Variants in IL1RAPL2 observed in about 807,000 individuals in gnomAD.
IL1RAPL2 encodes interleukin 1 receptor accessory protein like 2, also known as X-linked interleukin-1 receptor accessory protein-like 2.
A neutral mutation model predicts 44.1 loss-of-function variants in IL1RAPL2; 3 were observed. That is an observed-to-expected ratio of 0.07 (90% confidence interval 0.03 to 0.18). The LOEUF (loss-of-function observed/expected upper bound fraction) is 0.18, where lower values mean the gene tolerates loss of function less well. IL1RAPL2 is among the 10% of genes least tolerant of loss of function. The pLI, the probability that IL1RAPL2 is intolerant of heterozygous loss-of-function variation, is 1.00. For missense variants in IL1RAPL2, 391 were observed against 496.4 expected (o/e 0.79, Z 2.02); for synonymous variants, 181 against 178.8 (o/e 1.01, Z -0.10).
chrX:105,159,533 T>G (rs760130132), intron 2 of IL1RAPL2, among the ~76,000 whole-genome samples: 3 of 112,559 alleles, frequency 2.7e-5, no homozygotes, highest in Admixed American at 9.4e-5. Flanking sequence ...GACACTCTTT[T>G]TGTATAGAAA....
At position 105,565,184 on chromosome X, in the gene IL1RAPL2, T is replaced by C. The variant is rs760252269; in HGVS notation, c.772+80797T>C. Among the ~76,000 whole-genome samples the C allele has an allele frequency of 3.9e-4, 44 of 112,087 alleles. 1 individual carries two copies. The highest frequency in any genetic ancestry group is 1.7e-3 in the Admixed American group (18 of 10,554). On this transcript the variant is annotated intron_variant, in intron 6 of 10. Coordinates refer to ENST00000372582, the MANE Select transcript of IL1RAPL2 (RefSeq NM_017416.2). ...CACTAGGTGTTGGGAAAATTGGTGT[T>C]TTAAAAGGAAAATGTAGTCTTTTTT... is the stretch of plus-strand genomic sequence containing the variant.
chrX:105,636,806 C>A (rs1286483752), intron 6 of IL1RAPL2, among the ~76,000 whole-genome samples: 1 of 111,410 alleles, frequency 9.0e-6, no homozygotes, highest in Admixed American at 9.5e-5. Context: ...TCAGGGAAGG[C>A]TTCCCAAAGG....
At chrX:104,878,536 A>C (rs1034945824) in intron 2 of IL1RAPL2, among the ~76,000 whole-genome samples, 29 of 112,161 alleles carry the variant, frequency 2.6e-4, no homozygotes, top group African/African-American at 7.8e-4. Flanking sequence ...CCACAAAGGT[A>C]GATATCAGAA....
chrX:105,532,492 AT>A (rs59548118), intron 6 of IL1RAPL2, among the ~76,000 whole-genome samples: 158 of 107,711 alleles, frequency 1.5e-3, no homozygotes, highest in East Asian at 4.9e-3. Flanking sequence ...ATTTACTTTG[AT>A]TTTTTTTTTC....
Position 105,285,379 on chromosome X carries a change from A to G in IL1RAPL2, c.697+17838A>G, listed in dbSNP as rs183631892. 6.2e-5 allele frequency among the ~76,000 whole-genome samples: 7 copies of G among 112,170 alleles called. No homozygotes were observed. The East Asian group carries it at 2.0e-3, about 31-fold the overall frequency. On this transcript the variant is annotated intron_variant, in intron 5 of 10. Coordinates refer to ENST00000372582, the MANE Select transcript of IL1RAPL2 (RefSeq NM_017416.2). The stretch of plus-strand genomic sequence containing the variant: ...AGAAAGCATAAGTTTATCCTGTCCT[A>G]TTAACCAAATAATCTCTAATGATTG...
At chrX:104,797,841 T>C (rs1932860302) in intron 2 of IL1RAPL2, among the ~76,000 whole-genome samples, 1 of 112,353 alleles carries the variant, frequency 8.9e-6, no homozygotes, top group Non-Finnish European at 1.9e-5. Flanking sequence ...GTTACAGTGA[T>C]TCAACAACAT....
At chrX:104,643,856 C>G (rs1383344129) in intron 1 of IL1RAPL2, among the ~76,000 whole-genome samples, 1 of 111,403 alleles carries the variant, frequency 9.0e-6, no homozygotes, top group African/African-American at 3.3e-5. Context: ...CAATTGATTC[C>G]TTGCTGTAGT....
intron 5 of IL1RAPL2, among the ~76,000 whole-genome samples, chrX:105,447,446 A>C (rs1430287701): frequency 2.7e-5 from 2 of 73,243 alleles, no homozygotes; most frequent in Non-Finnish European, 4.5e-5. Context: ...TAAGTATATA[A>C]ATATAAATAA....
chrX:105,650,458 T>A (rs752785212), intron 6 of IL1RAPL2, among the ~76,000 whole-genome samples: 8 of 111,974 alleles, frequency 7.1e-5, no homozygotes, highest in African/African-American at 2.6e-4. Flanking sequence ...GGACTCATAT[T>A]CTTCAAATTT....
intron 2 of IL1RAPL2, among the ~76,000 whole-genome samples, chrX:105,158,625 A>G (rs1039472850): frequency 6.2e-5 from 7 of 112,232 alleles, no homozygotes; most frequent in Admixed American, 9.4e-5. Flanking sequence ...TGCCATTGCT[A>G]CCTTGCTAGT....
chrX:105,756,666 G>A (rs1313198858), intron 10 of IL1RAPL2, among the ~76,000 whole-genome samples: 1 of 111,642 alleles, frequency 9.0e-6, no homozygotes, highest in Non-Finnish European at 1.9e-5. Flanking sequence ...AATTCCCCAA[G>A]CTTCTTATCA....
chrX:104,840,915 C>T (rs1263483141), intron 2 of IL1RAPL2, among the ~76,000 whole-genome samples: 1 of 109,911 alleles, frequency 9.1e-6, no homozygotes, highest in East Asian at 2.9e-4. Context: ...GTCTTGAACT[C>T]CTGACATCTG....
chrX:105,432,548 T>G (rs1263382431), intron 5 of IL1RAPL2, among the ~76,000 whole-genome samples: 1 of 111,404 alleles, frequency 9.0e-6, no homozygotes, highest in Non-Finnish European at 1.9e-5. Flanking sequence ...AGAACTATCA[T>G]TAAGCCCCCC....
chrX:104,729,630 G>GT (rs372920756), intron 2 of IL1RAPL2, among the ~76,000 whole-genome samples: 2,565 of 103,594 alleles, frequency 0.025, 76 homozygotes, highest in African/African-American at 0.078. Context: ...GTACCCAATA[G>GT]TTTTTTTTTT....
At chrX:104,675,593 G>A (rs899035215) in intron 2 of IL1RAPL2, among the ~76,000 whole-genome samples, 2 of 111,229 alleles carry the variant, frequency 1.8e-5, no homozygotes, top group African/African-American at 3.3e-5. Flanking sequence ...GGGGTGGAGA[G>A]TTCTGTAGAT....
chrX:105,192,663 C>T (rs1044940774), intron 2 of IL1RAPL2, among the ~76,000 whole-genome samples: 10 of 111,228 alleles, frequency 9.0e-5, no homozygotes, highest in Middle Eastern at 4.7e-3. Context: ...TATTTGGTGG[C>T]ACGTAGGCAT....
intron 2 of IL1RAPL2, among the ~76,000 whole-genome samples, chrX:104,767,001 G>C (rs1344479113): frequency 2.7e-5 from 3 of 111,878 alleles, no homozygotes; most frequent in Non-Finnish European, 5.6e-5. Context: ...GCAGATATTT[G>C]GATGGAGAAT....
chrX:105,719,646 A>G (rs1421921033), intron 7 of IL1RAPL2, among the ~76,000 whole-genome samples: 1 of 110,874 alleles, frequency 9.0e-6, no homozygotes, highest in Non-Finnish European at 1.9e-5. Flanking sequence ...CCATAGTGAT[A>G]GTTTCACATC....
intron 2 of IL1RAPL2, among the ~76,000 whole-genome samples, chrX:105,143,788 A>G (rs2033149848): frequency 1.8e-5 from 2 of 110,446 alleles, no homozygotes; most frequent in South Asian, 7.8e-4. Flanking sequence ...GAATTGAACA[A>G]TGAGAACATA....
Sources: allele counts gnomAD v4.1 joint callset (sites outside exome capture counted in the v4.1 genomes callset), GRCh38; gene constraint gnomAD v4.1.1; transcripts MANE v1.5; gene names NCBI Gene and HGNC (gene_info 2026-07-23, HGNC 2026-07-21).